Variants in CRB1 observed in about 807,000 individuals in gnomAD.
The protein encoded by CRB1 is crumbs cell polarity complex component 1.
In CRB1, 83 loss-of-function variants were observed where a neutral mutation model predicts 120.0. The observed-to-expected ratio is 0.69, with a 90% CI of 0.58 to 0.83. The LOEUF is 0.83. Among genes scored for constraint, CRB1 ranks in the 40% least tolerant of loss-of-function variants. The probability of loss-of-function intolerance (pLI) is 0.00; values close to 1 mark genes in which losing one functional copy is unlikely to be tolerated. For synonymous variants in CRB1, 625 were observed against 612.5 expected, an observed-to-expected ratio of 1.02 and a Z score of -0.30; for missense variants, 1,699 against 1,687.6, an observed-to-expected ratio of 1.01 and a Z score of -0.12.
intron 1 of CRB1, among the ~76,000 whole-genome samples, chr1:197,304,186 A>G (rs1293891916): frequency 3.3e-5 from 5 of 152,298 alleles, no homozygotes; most frequent in African/African-American, 9.6e-5. Context: ...CAACTGAAAC[A>G]GTTCTTCCCC....
At chr1:197,215,543 T>G in the CRB1 span, among the ~76,000 whole-genome samples, 14 of 152,192 alleles carry the variant, frequency 9.2e-5, no homozygotes, top group African/African-American at 3.4e-4. Flanking sequence ...CCCAAAGTGC[T>G]GGGATTACAG....
chr1:197,281,379 A>G (rs1396009670), intron 1 of CRB1, among the ~76,000 whole-genome samples: 1 of 151,812 alleles, frequency 6.6e-6, no homozygotes, highest in African/African-American at 2.4e-5. Context: ...TAGAGAGAGG[A>G]TAATATCTGT....
intron 3 of CRB1, among the ~76,000 whole-genome samples, chr1:197,346,351 C>T (rs756564969): frequency 2.6e-5 from 4 of 151,530 alleles, no homozygotes; most frequent in Non-Finnish European, 5.9e-5. Flanking sequence ...CTTCTAATTC[C>T]GTGAGGTCCA....
chr1:197,274,248 C>A (rs1489211513), intron 1 of CRB1, among the ~76,000 whole-genome samples: 1 of 152,050 alleles, frequency 6.6e-6, no homozygotes, highest in Non-Finnish European at 1.5e-5. Context: ...ACTGTTAACC[C>A]ATACTCCTAT....
intron 11 of CRB1, among the ~76,000 whole-genome samples, chr1:197,473,057 A>C (rs553413827): frequency 6.6e-6 from 1 of 152,210 alleles, no homozygotes; most frequent in Non-Finnish European, 1.5e-5. Context: ...ATATGAGCAG[A>C]GCTCTTAACC....
At chr1:197,217,220 T>A in the CRB1 span, among the ~76,000 whole-genome samples, 7 of 152,196 alleles carry the variant, frequency 4.6e-5, no homozygotes, top group Admixed American at 1.3e-4. Context: ...GCCATAATTT[T>A]AAAATTGTTG....
chr1:197,339,445 T>G (rs1234627638), intron 2 of CRB1, among the ~76,000 whole-genome samples: 1 of 152,170 alleles, frequency 6.6e-6, no homozygotes, highest in African/African-American at 2.4e-5. Flanking sequence ...TAATTATTAT[T>G]CAAAAGAAAA....
At chr1:197,312,595 C>A (rs1370636649) in intron 1 of CRB1, among the ~76,000 whole-genome samples, 11 of 151,872 alleles carry the variant, frequency 7.2e-5, no homozygotes, top group Non-Finnish European at 1.3e-4. Context: ...AACAAACAAA[C>A]AAACAAACAC....
chr1:197,418,167 A>G (rs1209693667), intron 5 of CRB1, among the ~76,000 whole-genome samples: 2 of 152,178 alleles, frequency 1.3e-5, no homozygotes, highest in Non-Finnish European at 2.9e-5. Flanking sequence ...ACCCTCAATC[A>G]AATACTTGTT....
chr1:197,383,834 A>C (rs1662079639), intron 5 of CRB1, among the ~76,000 whole-genome samples: 1 of 152,186 alleles, frequency 6.6e-6, no homozygotes, highest in South Asian at 2.1e-4. Context: ...AATTGGAACT[A>C]TACCATTTAG....
intron 5 of CRB1, among the ~76,000 whole-genome samples, chr1:197,385,940 A>T (rs141954877): frequency 2.6e-5 from 4 of 152,222 alleles, no homozygotes; most frequent in Non-Finnish European, 5.9e-5. Flanking sequence ...GTTAGATTCA[A>T]TTACCTTGAA....
At chr1:197,350,070 G>A (rs1245273513) in intron 4 of CRB1, among the ~76,000 whole-genome samples, 2 of 148,144 alleles carry the variant, frequency 1.4e-5, no homozygotes, top group Non-Finnish European at 3.0e-5. Flanking sequence ...ACTGCAGTCC[G>A]CAGTCCGGCC....
chr1:197,298,451 C>T (rs934635651), intron 1 of CRB1, among the ~76,000 whole-genome samples: 1 of 152,106 alleles, frequency 6.6e-6, no homozygotes, highest in Non-Finnish European at 1.5e-5. Context: ...TTAAATGCTT[C>T]AGGCGAGAGG....
At chr1:197,426,571 A>G (rs982453146) in intron 6 of CRB1, among the ~76,000 whole-genome samples, 14 of 152,092 alleles carry the variant, frequency 9.2e-5, no homozygotes, top group Non-Finnish European at 1.6e-4. Flanking sequence ...TTATTTTTAT[A>G]CATCTCAAGA....
chr1:197,396,350 A>G (rs1303018889), intron 5 of CRB1, among the ~76,000 whole-genome samples: 1 of 152,204 alleles, frequency 6.6e-6, no homozygotes, highest in Non-Finnish European at 1.5e-5. Context: ...GCTATATTTC[A>G]CGTTCACTGA....
chr1:197,286,909 A>G (rs1036833427), intron 1 of CRB1, among the ~76,000 whole-genome samples: 1 of 151,876 alleles, frequency 6.6e-6, no homozygotes. Flanking sequence ...CATTCAAGGG[A>G]AAAAGAAAAA....
Position 197,427,353 on chromosome 1 carries a change from G to C in CRB1, c.2129-101G>C, listed in dbSNP as rs1664634434. 3.4e-6 allele frequency: 3 copies of C among 872,366 alleles called. No individual in the cohort carries two copies. In the Admixed American group the frequency reaches 5.6e-5, roughly 16 times the overall value. The allele number at this position is 872,366 out of a possible 1,614,324, so 54.0% of individuals were successfully genotyped here. On this transcript the variant is annotated intron_variant, in intron 6 of 11. Coordinates refer to ENST00000367400, the MANE Select transcript of CRB1 (RefSeq NM_201253.3). ...TGAGTGTGTATGCTTGTGTGCATGT[G>C]TGTGTGTGAAATGTATAATTTTCGT...
intron 4 of CRB1, among the ~76,000 whole-genome samples, chr1:197,349,115 T>C (rs923479324): frequency 2.0e-5 from 3 of 152,186 alleles, no homozygotes; most frequent in Non-Finnish European, 4.4e-5. Flanking sequence ...TGTGTTTTTA[T>C]TGTACCTTTT....
chr1:197,284,515 G>A (rs534183983), intron 1 of CRB1, among the ~76,000 whole-genome samples: 6 of 151,896 alleles, frequency 4.0e-5, no homozygotes, highest in East Asian at 1.9e-4. Flanking sequence ...CCAATTACTC[G>A]TTAAACAACC....
Sources: allele counts gnomAD v4.1 joint callset (sites outside exome capture counted in the v4.1 genomes callset), GRCh38; gene constraint gnomAD v4.1.1; transcripts MANE v1.5; gene names NCBI Gene and HGNC (gene_info 2026-07-23, HGNC 2026-07-21).